FOXN3: variants seen among roughly 807,000 people sequenced by gnomAD.
The protein encoded by FOXN3 is forkhead box protein N3.
A neutral mutation model predicts 38.4 loss-of-function variants in FOXN3; 7 were observed. The ratio of observed to expected loss-of-function variants is 0.18; its 90% CI spans 0.10 to 0.34. The LOEUF (loss-of-function observed/expected upper bound fraction) is 0.34, where lower values mean the gene tolerates loss of function less well. FOXN3 is among the 10% of genes least tolerant of loss of function. The pLI, the probability that FOXN3 is intolerant of heterozygous loss-of-function variation, is 1.00. For synonymous variants in FOXN3, 230 were observed against 242.2 expected, an observed-to-expected ratio of 0.95 and a Z score of 0.47; for missense variants, 456 against 613.4, an observed-to-expected ratio of 0.74 and a Z score of 2.71.
At position 89,261,762 on chromosome 14, in the gene FOXN3, T is replaced by C. The variant is rs569138404; in HGVS notation, c.745+19188A>G. On this transcript the variant is annotated intron_variant, in intron 4 of 5. Coordinates refer to ENST00000557258, the MANE Select transcript of FOXN3 (RefSeq NM_005197.4). ...GGCTAACACGATGAAACCCCGTCTC[T>C]ACCAAAAATACAAAAATTAGCTGGG... Among the ~76,000 whole-genome samples, 11 of 152,166 alleles carry C rather than the reference T, an allele frequency of 7.2e-5. No homozygotes were observed. The South Asian group carries it at 2.3e-3, about 32-fold the overall frequency.
At chr14:89,561,943 A>G (rs536359663) in intron 1 of FOXN3, among the ~76,000 whole-genome samples, 1 of 152,244 alleles carries the variant, frequency 6.6e-6, no homozygotes, top group Non-Finnish European at 1.5e-5. Flanking sequence ...TTGAGCGTCC[A>G]TGCCGTTCTA....
At chr14:89,419,134 T>C (rs1891839437), upstream of FOXN3, 1 of 456,096 alleles carries the variant, frequency 2.2e-6, no homozygotes, top group Admixed American at 2.3e-5. Context: ...TCAAACATAT[T>C]TCTTAATTTC....
intron 4 of FOXN3, among the ~76,000 whole-genome samples, chr14:89,232,504 A>G (rs1410706310): frequency 6.6e-6 from 1 of 152,224 alleles, no homozygotes; most frequent in Non-Finnish European, 1.5e-5. Context: ...TTATATAACA[A>G]AGGTCCTGAT....
chr14:89,350,847 A>C (rs1272096395), intron 2 of FOXN3, 39 bp from the exon 3 acceptor site: 1 of 1,447,044 alleles, frequency 6.9e-7, no homozygotes, highest in African/African-American at 1.5e-5. Context: ...TTAATAGAGA[A>C]TTATTAAGTA....
intron 1 of FOXN3, among the ~76,000 whole-genome samples, chr14:89,475,712 A>G (rs1893196385): frequency 1.3e-5 from 2 of 152,198 alleles, no homozygotes; most frequent in Admixed American, 1.3e-4. Flanking sequence ...GCACCTAACT[A>G]CCTACAAACA....
chr14:89,372,957 G>A (rs973527038), intron 2 of FOXN3, among the ~76,000 whole-genome samples: 14 of 152,144 alleles, frequency 9.2e-5, no homozygotes, highest in Admixed American at 9.2e-4. Flanking sequence ...CTTGAGCCCA[G>A]GAGTTCGAGA....
intron 1 of FOXN3, among the ~76,000 whole-genome samples, chr14:89,566,780 CCT>C (rs765886442): frequency 0.032 from 4,445 of 139,618 alleles, 213 homozygotes; most frequent in African/African-American, 0.11. Context: ...TCCTCCTCCT[CCT>C]TTCACTCCAT....
intron 1 of FOXN3, among the ~76,000 whole-genome samples, chr14:89,543,105 TCACGTATACTTGAAGAAA>T: frequency 6.6e-6 from 1 of 152,316 alleles, no homozygotes; most frequent in East Asian, 1.9e-4. Context: ...CAGAGCTGGA[TCACGTATACTTGAAGAAA>T]CAGCAGCTTC....
chr14:89,483,690 G>A (rs898592749), intron 1 of FOXN3, among the ~76,000 whole-genome samples: 9 of 152,212 alleles, frequency 5.9e-5, no homozygotes, highest in African/African-American at 2.2e-4. Flanking sequence ...TTACAGGCGT[G>A]AGCCACTGCA....
chr14:89,409,448 A>G (rs1211199516), intron 2 of FOXN3: 1 of 152,172 alleles, frequency 6.6e-6, no homozygotes, highest in African/African-American at 2.4e-5. Context: ...ACTGATGAAT[A>G]ATGTTCCCAA....
At chr14:89,359,013 A>G (rs769996148) in intron 2 of FOXN3, among the ~76,000 whole-genome samples, 24 of 152,224 alleles carry the variant, frequency 1.6e-4, no homozygotes, top group Non-Finnish European at 2.9e-4. Context: ...AGTTCAATAA[A>G]TATCAGCTCT....
At chr14:89,324,005 CAACTCCTCAGATACAG>C (rs1287903212) in intron 3 of FOXN3, among the ~76,000 whole-genome samples, 1 of 152,136 alleles carries the variant, frequency 6.6e-6, no homozygotes, top group African/African-American at 2.4e-5. Flanking sequence ...GTGCCCTGGG[CAACTCCTCAGATACAG>C]CTTAAGTTGC....
chr14:89,277,395 A>C (rs1886331711), intron 4 of FOXN3, among the ~76,000 whole-genome samples: 1 of 152,084 alleles, frequency 6.6e-6, no homozygotes, highest in Non-Finnish European at 1.5e-5. Context: ...CTTGGTTTCC[A>C]TTGTACAAGA....
intron 4 of FOXN3, among the ~76,000 whole-genome samples, chr14:89,200,730 T>A (rs1221366259): frequency 1.1e-4 from 16 of 152,220 alleles, no homozygotes; most frequent in Admixed American, 1.0e-3. Context: ...GAATCTGTGA[T>A]TCCAAAGCAA....
At chr14:89,195,278 C>A (rs931998648) in intron 4 of FOXN3, among the ~76,000 whole-genome samples, 1 of 152,272 alleles carries the variant, frequency 6.6e-6, no homozygotes, top group Non-Finnish European at 1.5e-5. Context: ...CTGCCCCACT[C>A]TCTTCCTCCT....
chr14:89,553,104 T>A (rs1489756046), intron 1 of FOXN3, among the ~76,000 whole-genome samples: 1 of 151,990 alleles, frequency 6.6e-6, no homozygotes. Context: ...CTGGGCATGG[T>A]GGCGTGTGCC....
intron 1 of FOXN3, among the ~76,000 whole-genome samples, chr14:89,513,235 C>CA (rs1187597914): frequency 2.6e-5 from 4 of 151,288 alleles, no homozygotes; most frequent in African/African-American, 9.7e-5. Context: ...GTGATTTCCA[C>CA]AGTCCCATCC....
At chr14:89,511,173 C>CTT (rs1280096783) in intron 1 of FOXN3, among the ~76,000 whole-genome samples, 40 of 40,618 alleles carry the variant, frequency 9.8e-4, no homozygotes, top group African/African-American at 3.0e-3. Flanking sequence ...TTCTTTCTTT[C>CTT]TTTCTTTCTT....
At chr14:89,397,415 T>C (rs568003866) in intron 2 of FOXN3, among the ~76,000 whole-genome samples, 1 of 143,524 alleles carries the variant, frequency 7.0e-6, no homozygotes, top group Non-Finnish European at 1.5e-5. Flanking sequence ...AACCTGCACA[T>C]GTACCCCCAA....
Sources: gnomAD v4.1 joint callset for allele counts (sites outside exome capture counted in the v4.1 genomes callset) on GRCh38, gnomAD v4.1.1 for gene constraint, MANE v1.5 for transcripts, NCBI Gene and HGNC (gene_info 2026-07-23, HGNC 2026-07-21) for gene names.